TG: variants seen among roughly 807,000 people sequenced by gnomAD.
TG encodes the protein thyroid hormones.
TG carries 270 observed loss-of-function variants against 324.7 expected under a neutral mutation model. The ratio of observed to expected loss-of-function variants is 0.83; its 90% confidence interval spans 0.75 to 0.92. The LOEUF is 0.92. Ranked by LOEUF, TG falls within the 40% of genes least tolerant of loss-of-function variation. TG has a pLI of 0.00. For missense variants in TG, 3,591 were observed against 3,456.4 expected (o/e 1.04, Z -0.98); for synonymous variants, 1,401 against 1,327.0 (o/e 1.06, Z -1.21).
Position 133,017,776 on chromosome 8 carries a change from A to C in TG, c.6563-2A>C. The stretch of plus-strand genomic sequence containing the variant: ...ACCCCTTTCTCTTCCCTTTCCCAAC[A>C]GGAATCTCTCTGCTCAGCTATGAGG... On this transcript the variant is annotated splice_acceptor_variant, in intron 37 of 47. Coordinates refer to ENST00000220616, the MANE Select transcript of TG (RefSeq NM_003235.5). LOFTEE classifies it high-confidence loss of function. 1 of 1,614,102 alleles carries C rather than the reference A, an allele frequency of 6.2e-7. No homozygotes were observed. Among genetic ancestry groups the C allele is most frequent in the Non-Finnish European group, 8.5e-7 (1 of 1,179,996 alleles).
intron 16 of TG, among the ~76,000 whole-genome samples, chr8:132,902,094 G>A (rs894975106): frequency 5.3e-5 from 8 of 152,114 alleles, no homozygotes; most frequent in Middle Eastern, 3.4e-3. Context: ...TCAAGTCACA[G>A]GACATCACAG....
chr8:132,874,436 C>T (rs987570195), intron 5 of TG, among the ~76,000 whole-genome samples: 1 of 152,200 alleles, frequency 6.6e-6, no homozygotes, highest in African/African-American at 2.4e-5. Flanking sequence ...AGGGTTCACG[C>T]AGACTTTAGA....
intron 41 of TG, chr8:133,045,031 G>A (rs750571852): frequency 1.2e-5 from 19 of 1,614,120 alleles, no homozygotes; most frequent in Non-Finnish European, 1.6e-5. Context: ...GGTGAGCCTC[G>A]GGGAAATGTA....
chr8:133,050,049 A>G (rs1564117995), intron 41 of TG: 2 of 1,052,260 alleles, frequency 1.9e-6, no homozygotes, highest in East Asian at 2.4e-5. Context: ...CAAAGGATGA[A>G]TGAACAGAGT....
chr8:133,017,531 A>G (rs1412024125), intron 37 of TG, among the ~76,000 whole-genome samples: 3 of 152,154 alleles, frequency 2.0e-5, no homozygotes, highest in African/African-American at 7.2e-5. Context: ...TATAGAAGGG[A>G]TTAGCATTGC....
chr8:133,065,178 A>G (rs763160209), intron 41 of TG, among the ~76,000 whole-genome samples: 1 of 152,114 alleles, frequency 6.6e-6, no homozygotes, highest in Non-Finnish European at 1.5e-5. Context: ...TGACCAGAAC[A>G]CCCCCATCCC....
intron 2 of TG, 97 bp downstream of exon 2, chr8:132,868,320 C>A (rs1839161755): frequency 2.7e-6 from 3 of 1,121,742 alleles, no homozygotes; most frequent in Non-Finnish European, 3.9e-6. Context: ...CCTGCAACTC[C>A]TTTGTGCATG....
At chr8:133,058,456 G>A (rs1841859276) in intron 41 of TG, among the ~76,000 whole-genome samples, 1 of 152,346 alleles carries the variant, frequency 6.6e-6, no homozygotes, top group Admixed American at 6.5e-5. Context: ...AGGCAAATGA[G>A]CAAGCCTTGG....
At chr8:133,005,834 GCAC>G (rs1833973403) in intron 35 of TG, among the ~76,000 whole-genome samples, 1 of 152,118 alleles carries the variant, frequency 6.6e-6, no homozygotes, top group South Asian at 2.1e-4. Context: ...GTGTGGTCTC[GCAC>G]CACTAGGGAG....
At chr8:133,107,628 C>T (rs1486279778) in intron 43 of TG, among the ~76,000 whole-genome samples, 1 of 152,208 alleles carries the variant, frequency 6.6e-6, no homozygotes, top group East Asian at 1.9e-4. Flanking sequence ...TTCACATTCC[C>T]TTGCACCCCA....
Position 132,941,390 on chromosome 8 carries a change from C to T in TG, c.5081C>T (p.Pro1694Leu). The T allele has an allele frequency of 6.2e-7, 1 of 1,614,226 alleles. No homozygotes were observed. The highest frequency in any genetic ancestry group is 1.1e-5 in the South Asian group (1 of 91,084). Reference sequence around the variant, plus strand: ...ACAACACTTCAGAAACGCTTTGAACCCACTGGTTTCCAAAACATGCTTTCT... The same window carrying T: ...ACAACACTTCAGAAACGCTTTGAACTCACTGGTTTCCAAAACATGCTTTCT... The part of the protein sequence containing the change: ...STTTLQKRFE[P>L]TGFQNMLSGL... The change falls in exon 26 of 48, where the codon CCC becomes CTC. Residue 1694 changes from proline (P) to leucine (L), a missense_variant. By Grantham distance (98) the Pro-to-Leu change is moderately conservative. Coordinates refer to ENST00000220616, the MANE Select transcript of TG (RefSeq NM_003235.5).
chr8:132,899,186 A>G (rs1172758814), intron 14 of TG, among the ~76,000 whole-genome samples: 1 of 152,232 alleles, frequency 6.6e-6, no homozygotes, highest in Non-Finnish European at 1.5e-5. Context: ...AATATCTTTC[A>G]TAAGAACTCT....
chr8:133,132,216 A>G (rs1419894225), intron 46 of TG, among the ~76,000 whole-genome samples: 2 of 152,176 alleles, frequency 1.3e-5, no homozygotes, highest in Admixed American at 6.5e-5. Context: ...TGCCATTGAC[A>G]TCGGGGGCTG....
At chr8:132,894,077 G>T in intron 11 of TG, 148 bp downstream of exon 11, 1 of 1,235,624 alleles carries the variant, frequency 8.1e-7, no homozygotes, top group Non-Finnish European at 1.2e-6. Flanking sequence ...AAGTGGTTTG[G>T]GGGCACCAGT....
intron 41 of TG, among the ~76,000 whole-genome samples, chr8:133,069,229 C>T (rs1843575167): frequency 6.6e-6 from 1 of 152,248 alleles, no homozygotes. Context: ...CATCGTATTT[C>T]CCAGCAAGAG....
In TG at chr8:132,871,517, G is replaced by A. The variant is rs547879005; in HGVS notation, c.444G>A (p.Val148=). 3.1e-6 allele frequency: 5 copies of A among 1,614,128 alleles called. No individual in the cohort carries two copies. Among genetic ancestry groups the A allele is most frequent in the Admixed American group, 3.3e-5 (2 of 60,024 alleles). ...GTGTGGACGCAGAGGGGATGGAGGT[G>A]TATGGGACCCGCCAGCTGGGGAGGC... is the stretch of plus-strand genomic sequence containing the variant. ...CWCVDAEGME[V]YGTRQLGRPK... is the part of the protein sequence containing the mutation. The change falls in exon 4 of 48, where the codon GTG becomes GTA. Residue 148 remains valine, a synonymous_variant. Coordinates refer to ENST00000220616, the MANE Select transcript of TG (RefSeq NM_003235.5).
rs1016686905 is a variant in TG, at chr8:132,943,248, G to A, written c.5233+1706G>A. On this transcript the variant is annotated intron_variant, in intron 26 of 47. Transcript: ENST00000220616. ...GGGTGAATGGCTTGGTGCTATCCTC[G>A]TGACAGTGAGTGAGTTCTTCTTGCA... is the stretch of plus-strand genomic sequence containing the variant. Among the ~76,000 whole-genome samples, 4 of 152,076 alleles carry A rather than the reference G, an allele frequency of 2.6e-5. No homozygotes were observed. In the East Asian group the frequency reaches 7.7e-4, roughly 29 times the overall value.
intron 17 of TG, among the ~76,000 whole-genome samples, chr8:132,907,953 C>T (rs1034682365): frequency 1.3e-5 from 2 of 152,160 alleles, no homozygotes; most frequent in African/African-American, 4.8e-5. Context: ...AAATATAAAG[C>T]ACCCTGGTTT....
At chr8:132,867,523 G>GTTTTTT (rs11325505) in intron 1 of TG, among the ~76,000 whole-genome samples, 2 of 124,964 alleles carry the variant, frequency 1.6e-5, no homozygotes, top group African/African-American at 3.1e-5. Context: ...CCAAGCTTCT[G>GTTTTTT]TTTTTTTTTT....
Sources: allele counts gnomAD v4.1 joint callset (sites outside exome capture counted in the v4.1 genomes callset), GRCh38; gene constraint gnomAD v4.1.1; transcripts MANE v1.5; gene names NCBI Gene and HGNC (gene_info 2026-07-23, HGNC 2026-07-21).